The following KAT6A variants were observed in gnomAD, a reference collection of about 807,000 sequenced individuals.
KAT6A encodes lysine acetyltransferase 6A, also known as histone acetyltransferase KAT6A.
A neutral mutation model predicts 198.4 loss-of-function variants in KAT6A; 9 were observed. That is an observed-to-expected ratio of 0.05 (90% CI 0.03 to 0.08). The LOEUF (loss-of-function observed/expected upper bound fraction) is 0.08, where lower values mean the gene tolerates loss of function less well. KAT6A is among the 10% of genes least tolerant of loss of function. KAT6A has a pLI of 1.00. For missense variants in KAT6A, 2,077 were observed against 2,509.9 expected (o/e 0.83, Z 3.69); for synonymous variants, 890 against 883.0 (o/e 1.01, Z -0.14).
chr8:42,004,697 G>A (rs754226243), intron 2 of KAT6A, among the ~76,000 whole-genome samples: 7 of 152,080 alleles, frequency 4.6e-5, no homozygotes, highest in Non-Finnish European at 8.8e-5. Context: ...AGGCTGAGGC[G>A]AACAGATCAC....
intron 2 of KAT6A, among the ~76,000 whole-genome samples, chr8:42,027,154 G>T (rs1177063837): frequency 6.6e-6 from 1 of 152,122 alleles, no homozygotes; most frequent in Non-Finnish European, 1.5e-5. Context: ...CTTTTTGATT[G>T]TTGCTGGATT....
At position 41,980,869 on chromosome 8, in the gene KAT6A, G is replaced by A; in HGVS notation, c.884C>T (p.Pro295Leu). 2 of 1,612,768 alleles carry A rather than the reference G, an allele frequency of 1.2e-6. No homozygotes were observed. Among genetic ancestry groups the A allele is most frequent in the Non-Finnish European group, 8.5e-7 (1 of 1,179,026 alleles). Residue 295 changes from proline to leucine, a missense_variant, in exon 5 of 17, where the codon CCG becomes CTG. Around this residue, in one of 13 missense-constraint regions of KAT6A, gnomAD observed 89 missense variants for 154.4 expected, o/e 0.58. Transcript: ENST00000265713. ...DRGFHMECCD[P>L]PLTRMPKGMW... is the part of the protein sequence containing the mutation. ...ACCTTTTGGCATACGGGTGAGTGGC[G>A]GATCACAACACTCCATGTGAAAACC...
At chr8:42,009,894 C>CAAAAAAAAAAAAAAAA (rs538642816) in intron 2 of KAT6A, among the ~76,000 whole-genome samples, 80 of 48,720 alleles carry the variant, frequency 1.6e-3, no homozygotes, top group Non-Finnish European at 1.9e-3. Context: ...AGCCCTGTCT[C>CAAAAAAAAAAAAAAAA]AAAAAAAAAA....
chr8:41,979,521 T>C (rs1042813180), intron 5 of KAT6A, among the ~76,000 whole-genome samples: 2 of 151,618 alleles, frequency 1.3e-5, no homozygotes, highest in African/African-American at 4.8e-5. Context: ...ACGCCTGTAA[T>C]CCCAACACTT....
chr8:41,945,213 TA>T (rs1307651162), intron 12 of KAT6A, among the ~76,000 whole-genome samples: 1 of 151,048 alleles, frequency 6.6e-6, no homozygotes, highest in Non-Finnish European at 1.5e-5. Context: ...AGAGCCTAAC[TA>T]AAAAAAATGC....
At position 41,937,409 on chromosome 8, in the gene KAT6A, T is replaced by C. The variant is rs201494425; in HGVS notation, c.3199A>G (p.Ile1067Val). 4 of 1,614,164 alleles carry C rather than the reference T, an allele frequency of 2.5e-6. No homozygotes were observed. In the East Asian group the frequency reaches 8.9e-5, roughly 36 times the overall value. ...TCCTCTTCCTCCTCTTCTTCATCGA[T>C]CTCAAACGTGGGTTCTAATCTTGGC... ...PMPRLEPTFE[I>V]DEEEEEEDEN... Residue 1067 changes from isoleucine (I) to valine (V), a missense_variant, in exon 16 of 17, where the codon ATC becomes GTC. By Grantham distance (29) the Ile-to-Val change is conservative (BLOSUM62 3). This residue lies in a region of KAT6A where 375 missense variants were observed against 383.0 expected (regional missense o/e 0.98). Coordinates refer to ENST00000265713, the MANE Select transcript of KAT6A (RefSeq NM_006766.5).
chr8:42,012,143 TAGC>T (rs2150909352), intron 2 of KAT6A, among the ~76,000 whole-genome samples: 1 of 152,332 alleles, frequency 6.6e-6, no homozygotes, highest in Admixed American at 6.5e-5. Context: ...TACTCATACA[TAGC>T]TGGTAAGCAT....
chr8:41,976,030 T>C (rs2150885719), intron 7 of KAT6A, among the ~76,000 whole-genome samples: 1 of 152,330 alleles, frequency 6.6e-6, no homozygotes, highest in South Asian at 2.1e-4. Flanking sequence ...AAAGAGTAAT[T>C]AGTTGATCAT....
At chr8:41,952,365 G>A (rs576562536) in intron 9 of KAT6A, among the ~76,000 whole-genome samples, 1 of 152,288 alleles carries the variant, frequency 6.6e-6, no homozygotes, top group East Asian at 1.9e-4. Context: ...AGCAGCACAG[G>A]AGCAGAGGGC....
chr8:41,930,497 G>GA lies in KAT6A; in HGVS notation c.*1707dup, dbSNP rs933498593. ...AAAAAACCAACAAACCTGTGCATTT[G>GA]AAAAAAGTTAATGCCTAATTAGTAC... On this transcript the variant is annotated 3_prime_UTR_variant, in exon 17 of 17. Coordinates refer to ENST00000265713, the MANE Select transcript of KAT6A (RefSeq NM_006766.5). 9.7e-6 allele frequency: 2 copies of GA among 206,144 alleles called. No homozygotes were observed. Among genetic ancestry groups the GA allele is most frequent in the Non-Finnish European group, 2.0e-5 (2 of 101,352 alleles). 12.8% of individuals were successfully genotyped at this position (206,144 alleles called of 1,614,324 possible).
chr8:41,981,150 C>T (rs1279475247), intron 4 of KAT6A, among the ~76,000 whole-genome samples: 1 of 151,830 alleles, frequency 6.6e-6, no homozygotes, highest in African/African-American at 2.4e-5. Context: ...AAACCCTGTC[C>T]CTACTAAAAA....
rs752818339 is a variant in KAT6A at position 41,934,070 on chromosome 8, C to A, written c.4150G>T (p.Val1384Leu). 2 of 1,614,130 alleles carry A rather than the reference C, an allele frequency of 1.2e-6. No individual in the cohort carries two copies. Among genetic ancestry groups the A allele is most frequent in the Middle Eastern group, 1.6e-4 (1 of 6,062 alleles). ...GACCCAGCCATCTGCTCTGACACCACGGACGTGTCATGGGAAGGCTGCTCC... is the reference window on the plus strand; with the variant it reads ...GACCCAGCCATCTGCTCTGACACCAAGGACGTGTCATGGGAAGGCTGCTCC... Reference protein sequence around the residue: ...EEEQPSHDTSVVSEQMAGSED... With the variant: ...EEEQPSHDTSLVSEQMAGSED... The change falls in exon 17 of 17, where the codon GTG (valine) becomes TTG (leucine). Residue 1384 changes from valine to leucine, a missense_variant. Val to Leu is a conservative substitution (Grantham distance 32). Around this residue, in one of 13 missense-constraint regions of KAT6A, gnomAD observed 178 missense variants for 220.8 expected, o/e 0.81. Transcript: ENST00000265713.
At chr8:41,981,086 G>A (rs1328820945) in intron 4 of KAT6A, among the ~76,000 whole-genome samples, 159 bp from the exon 5 acceptor site, 1 of 152,212 alleles carries the variant, frequency 6.6e-6, no homozygotes, top group Admixed American at 6.5e-5. Flanking sequence ...CTGGGAGGTC[G>A]AGGCGGGTGG....
chr8:41,951,316 G>C (rs2150868845), intron 9 of KAT6A, among the ~76,000 whole-genome samples: 1 of 151,936 alleles, frequency 6.6e-6, no homozygotes, highest in African/African-American at 2.4e-5. Flanking sequence ...AAGCCCACTG[G>C]GATGATACTG....
intron 12 of KAT6A, 107 bp from the exon 13 acceptor site, chr8:41,944,086 G>T: frequency 1.0e-5 from 7 of 666,984 alleles, no homozygotes; most frequent in Admixed American, 3.2e-5. Context: ...AACTCCAAAG[G>T]TAAATTCCTT....
intron 12 of KAT6A, 77 bp downstream of exon 12, chr8:41,946,514 A>ACG: frequency 1.4e-6 from 1 of 716,442 alleles, no homozygotes; most frequent in South Asian, 1.5e-5. Context: ...ACACACACAC[A>ACG]CACACACACA....
chr8:42,045,335 C>T (rs1377076800), intron 2 of KAT6A, among the ~76,000 whole-genome samples: 4 of 151,968 alleles, frequency 2.6e-5, no homozygotes, highest in African/African-American at 9.7e-5. Context: ...CCAAGGTGGG[C>T]GGATCACCTG....
chr8:42,044,218 A>C (rs1369534351), intron 2 of KAT6A, among the ~76,000 whole-genome samples: 3 of 150,402 alleles, frequency 2.0e-5, no homozygotes, highest in African/African-American at 7.4e-5. Context: ...ATCCTGCCTC[A>C]GCCTACCGAG....
chr8:42,046,232 A>G (rs962811554), intron 2 of KAT6A, among the ~76,000 whole-genome samples: 8 of 152,126 alleles, frequency 5.3e-5, no homozygotes, highest in African/African-American at 1.9e-4. Flanking sequence ...AGCAAGTGTA[A>G]TTACAATAAA....
Sources: gnomAD v4.1 joint callset for allele counts (sites outside exome capture counted in the v4.1 genomes callset) on GRCh38, gnomAD v4.1.1 for gene constraint, gnomAD v4.1.1 regional missense constraint, MANE v1.5 for transcripts, NCBI Gene and HGNC (gene_info 2026-07-23, HGNC 2026-07-21) for gene names.